ADGRL4: variants seen among roughly 807,000 people sequenced by gnomAD.
ADGRL4 encodes the protein adhesion G protein-coupled receptor L4.
In ADGRL4, 90 loss-of-function variants were observed where a neutral mutation model predicts 74.8. The ratio of observed to expected loss-of-function variants is 1.20; its 90% CI spans 1.02 to 1.43. The LOEUF is 1.43. Among genes scored for constraint, ADGRL4 ranks in the 40% most tolerant of loss-of-function variants. The pLI is 0.00. For synonymous variants in ADGRL4, 311 were observed against 279.2 expected, an observed-to-expected ratio of 1.11 and a Z score of -1.14; for missense variants, 881 against 814.3, an observed-to-expected ratio of 1.08 and a Z score of -1.00.
intron 2 of ADGRL4, among the ~76,000 whole-genome samples, chr1:79,004,403 A>G (rs1318980651): frequency 6.6e-6 from 1 of 152,102 alleles, no homozygotes; most frequent in Non-Finnish European, 1.5e-5. Flanking sequence ...ACAACTACAG[A>G]CACGAAATTA....
chr1:78,972,518 A>G (rs1253803389), intron 2 of ADGRL4, among the ~76,000 whole-genome samples: 2 of 151,656 alleles, frequency 1.3e-5, no homozygotes, highest in Non-Finnish European at 2.9e-5. Context: ...TCCTGTAACA[A>G]CTCTTTATAA....
intron 1 of ADGRL4, 58 bp downstream of exon 1, chr1:79,006,575 C>G (rs1268910299): frequency 2.0e-6 from 3 of 1,530,860 alleles, no homozygotes; most frequent in Non-Finnish European, 2.6e-6. Context: ...AAATCCAGTC[C>G]CCTACAAGGG....
In ADGRL4 at chr1:78,990,697, T is replaced by C. The variant is rs115849984; in HGVS notation, c.172+14373A>G. 7.0e-3 allele frequency among the ~76,000 whole-genome samples: 1,058 copies of C among 152,098 alleles called. 3 individuals carry two copies. Among genetic ancestry groups the C allele is most frequent in the Middle Eastern group, 0.01 (3 of 294 alleles). ...CCATTCTTCTCCACATGATATTCCA[T>C]TGGAAACTGCTGCAGCGAACATAAC... On this transcript the variant is annotated intron_variant, in intron 2 of 14. Transcript: ENST00000370742.
intron 7 of ADGRL4, among the ~76,000 whole-genome samples, chr1:78,931,692 T>A (rs530550056): frequency 4.6e-5 from 7 of 151,024 alleles, no homozygotes; most frequent in African/African-American, 7.4e-5. Flanking sequence ...ACCCATATCA[T>A]GTGCAAAGAC....
intron 3 of ADGRL4, among the ~76,000 whole-genome samples, chr1:78,943,868 G>C (rs1228690562): frequency 6.6e-6 from 1 of 152,074 alleles, no homozygotes; most frequent in Non-Finnish European, 1.5e-5. Flanking sequence ...AAACAAAACA[G>C]GTAGAAACAG....
intron 2 of ADGRL4, among the ~76,000 whole-genome samples, chr1:78,965,905 T>A (rs1176807490): frequency 2.0e-5 from 3 of 151,628 alleles, no homozygotes; most frequent in Non-Finnish European, 4.4e-5. Flanking sequence ...GTTTATACTA[T>A]CTCAAATGAA....
At chr1:78,990,089 G>T (rs1445997094) in intron 2 of ADGRL4, among the ~76,000 whole-genome samples, 1 of 151,880 alleles carries the variant, frequency 6.6e-6, no homozygotes, top group Non-Finnish European at 1.5e-5. Flanking sequence ...AATCAAAAAA[G>T]CTGAGGATCC....
intron 12 of ADGRL4, among the ~76,000 whole-genome samples, chr1:78,894,808 A>G (rs1357585370): frequency 6.6e-6 from 1 of 151,934 alleles, no homozygotes; most frequent in Non-Finnish European, 1.5e-5. Flanking sequence ...TAGAAGATAA[A>G]GTAAATGACG....
chr1:78,917,649 T>C lies in ADGRL4; in HGVS notation c.1734A>G (p.Ala578=), dbSNP rs1341957678. 6.2e-7 allele frequency: 1 copy of C among 1,603,102 alleles called. No homozygotes were observed. The highest frequency in any genetic ancestry group is 8.5e-7 in the Non-Finnish European group (1 of 1,174,168). Residue 578 remains alanine, a synonymous_variant, in exon 12 of 15, where the codon GCA becomes GCG. Coordinates refer to ENST00000370742, the MANE Select transcript of ADGRL4 (RefSeq NM_022159.4). ...NNFIWSFIGP[A]CLIILVNLLA... ...ATATACATACAAGAATGATTAGGCATGCTGGTCCTATAAAACTCCAAATAA... is the reference window on the plus strand; with the variant it reads ...ATATACATACAAGAATGATTAGGCACGCTGGTCCTATAAAACTCCAAATAA...
chr1:78,977,392 T>C (rs989778169), intron 2 of ADGRL4, among the ~76,000 whole-genome samples: 1 of 151,826 alleles, frequency 6.6e-6, no homozygotes, highest in Admixed American at 6.6e-5. Flanking sequence ...GTGGTGTTGG[T>C]TAAATGGCTT....
intron 2 of ADGRL4, among the ~76,000 whole-genome samples, chr1:79,000,082 T>C (rs1198604671): frequency 6.6e-6 from 1 of 152,188 alleles, no homozygotes; most frequent in Non-Finnish European, 1.5e-5. Flanking sequence ...TGTTCATTTT[T>C]ATTATTTCAG....
intron 2 of ADGRL4, among the ~76,000 whole-genome samples, chr1:78,974,592 G>A (rs941024249): frequency 2.6e-5 from 4 of 152,084 alleles, no homozygotes; most frequent in East Asian, 3.9e-4. Flanking sequence ...AGATTTAGAC[G>A]TTGGAGACCA....
Position 78,939,204 on chromosome 1 carries a change from T to C in ADGRL4, c.380A>G (p.Asn127Ser). Residue 127 changes from asparagine to serine, a missense_variant, in exon 4 of 15, where the codon AAT becomes AGT. By Grantham distance (46) the Asn-to-Ser change is conservative (BLOSUM62 1). Transcript: ENST00000370742. Reference sequence around the variant, plus strand: ...TCTACTTACTTTTGTTAAAGTTTTATTAATATTTGCAGCTATACAGACATT... The same window carrying C: ...TCTACTTACTTTTGTTAAAGTTTTACTAATATTTGCAGCTATACAGACATT... The part of the protein sequence containing the change: ...LDNVCIAANI[N>S]KTLTKIRSIK... 6.4e-7 allele frequency: 1 copy of C among 1,561,258 alleles called. No homozygotes were observed. The highest frequency in any genetic ancestry group is 8.6e-7 in the Non-Finnish European group (1 of 1,158,762).
chr1:78,991,567 A>C (rs1397609732), intron 2 of ADGRL4, among the ~76,000 whole-genome samples: 1 of 152,008 alleles, frequency 6.6e-6, no homozygotes, highest in Non-Finnish European at 1.5e-5. Context: ...ACAACCTTTA[A>C]GTCTCGATAT....
chr1:78,898,124 A>G (rs540057428), intron 12 of ADGRL4, among the ~76,000 whole-genome samples: 4 of 152,278 alleles, frequency 2.6e-5, no homozygotes, highest in South Asian at 4.1e-4. Flanking sequence ...AAAGGAGGAT[A>G]AAGAATTAGA....
At chr1:78,939,052 A>G in intron 4 of ADGRL4, 136 bp downstream of exon 4, 1 of 1,126,448 alleles carries the variant, frequency 8.9e-7, no homozygotes, top group Non-Finnish European at 1.1e-6. Flanking sequence ...TGATGCTTAG[A>G]TCTCTATATG....
intron 12 of ADGRL4, among the ~76,000 whole-genome samples, chr1:78,896,467 T>C (rs932583754): frequency 6.6e-6 from 1 of 152,090 alleles, no homozygotes; most frequent in Non-Finnish European, 1.5e-5. Flanking sequence ...TATTTTTTTC[T>C]GCAATCTTCC....
intron 2 of ADGRL4, among the ~76,000 whole-genome samples, chr1:78,982,776 G>C (rs977853282): frequency 6.6e-6 from 1 of 151,730 alleles, no homozygotes; most frequent in Non-Finnish European, 1.5e-5. Flanking sequence ...AAAAATTAGG[G>C]GTGTAAAACA....
intron 2 of ADGRL4, among the ~76,000 whole-genome samples, chr1:78,992,825 G>C (rs908182345): frequency 6.6e-6 from 1 of 151,996 alleles, no homozygotes; most frequent in Non-Finnish European, 1.5e-5. Context: ...ATACTGTACA[G>C]TGGTGTTCTG....
Sources: gnomAD v4.1 joint callset for allele counts (sites outside exome capture counted in the v4.1 genomes callset) on GRCh38, gnomAD v4.1.1 for gene constraint, MANE v1.5 for transcripts, NCBI Gene and HGNC (gene_info 2026-07-23, HGNC 2026-07-21) for gene names.